CRTC1: variants seen among roughly 807,000 people sequenced by gnomAD.
CRTC1 encodes CREB regulated transcription coactivator 1, also known as CREB-regulated transcription coactivator 1.
In CRTC1, 18 loss-of-function variants were observed where a neutral mutation model predicts 66.1. The ratio of observed to expected loss-of-function variants is 0.27; its 90% CI spans 0.19 to 0.40. CRTC1 has a LOEUF of 0.40. Ranked by LOEUF, CRTC1 falls within the 10% of genes least tolerant of loss-of-function variation. The pLI is 1.00. For missense variants in CRTC1, 669 were observed against 887.9 expected (o/e 0.75, Z 3.13); for synonymous variants, 416 against 398.8 (o/e 1.04, Z -0.51).
intron 12 of CRTC1, 56 bp downstream of exon 12, chr19:18,775,042 G>A: frequency 6.5e-7 from 1 of 1,545,316 alleles, no homozygotes; most frequent in Non-Finnish European, 8.8e-7. Flanking sequence ...TGCTTGCTGG[G>A]ACCCTCGCTG....
intron 1 of CRTC1, among the ~76,000 whole-genome samples, chr19:18,719,365 C>T (rs767433635): frequency 6.6e-6 from 1 of 152,180 alleles, no homozygotes; most frequent in Non-Finnish European, 1.5e-5. Flanking sequence ...CCACCTGGGG[C>T]CTGGCTAGGA....
chr19:18,750,009 G>A, intron 5 of CRTC1, 134 bp downstream of exon 5: 1 of 723,398 alleles, frequency 1.4e-6, no homozygotes. Context: ...GAGGGATCGG[G>A]GGAGGGGATC....
At chr19:18,754,339 A>G (rs977560581) in intron 6 of CRTC1, among the ~76,000 whole-genome samples, 11 of 152,260 alleles carry the variant, frequency 7.2e-5, no homozygotes, top group Admixed American at 5.9e-4. Flanking sequence ...TGGTCAACAA[A>G]GTGAGACCCT....
chr19:18,756,886 G>T (rs1210102966), intron 6 of CRTC1, among the ~76,000 whole-genome samples: 1 of 152,114 alleles, frequency 6.6e-6, no homozygotes, highest in Admixed American at 6.5e-5. Flanking sequence ...CGTGATCGCC[G>T]GTGTGCTTTG....
rs908957080 is a variant in CRTC1 at position 18,781,950 on chromosome 19, G to C, written c.*4568G>C. On this transcript the variant is annotated 3_prime_UTR_variant, in exon 14 of 14. Coordinates refer to ENST00000321949, the MANE Select transcript of CRTC1 (RefSeq NM_015321.3). ...GAACTTCTGATCTCCTGCCCACCAGGAGGGGACTTAGCCATGGACTTGGCC... is the reference window on the plus strand; with the variant it reads ...GAACTTCTGATCTCCTGCCCACCAGCAGGGGACTTAGCCATGGACTTGGCC... The C allele has an allele frequency of 6.1e-5, 14 of 230,520 alleles. No homozygotes were observed. Among genetic ancestry groups the C allele is most frequent in the Admixed American group, 4.5e-4 (8 of 17,700 alleles). 14.3% of individuals were successfully genotyped at this position (230,520 alleles called of 1,614,324 possible).
intron 1 of CRTC1, among the ~76,000 whole-genome samples, chr19:18,715,938 G>A (rs1391964839): frequency 1.3e-5 from 2 of 152,178 alleles, no homozygotes; most frequent in Admixed American, 1.3e-4. Flanking sequence ...AGCTGTCCCC[G>A]GCATTCCTGC....
chr19:18,703,552 T>C (rs2053196457), intron 1 of CRTC1, among the ~76,000 whole-genome samples: 2 of 152,092 alleles, frequency 1.3e-5, no homozygotes, highest in Non-Finnish European at 2.9e-5. Context: ...AACCTCCACC[T>C]CCCAGGTTCA....
At chr19:18,695,743 T>C (rs2052969815) in intron 1 of CRTC1, among the ~76,000 whole-genome samples, 1 of 152,026 alleles carries the variant, frequency 6.6e-6, no homozygotes, top group Admixed American at 6.6e-5. Flanking sequence ...TGGGCGCCTG[T>C]GGTCCCAGCT....
intron 6 of CRTC1, among the ~76,000 whole-genome samples, chr19:18,756,191 G>C (rs540376073): frequency 7.2e-5 from 11 of 152,028 alleles, no homozygotes; most frequent in African/African-American, 2.4e-4. Context: ...AAATTAGCCA[G>C]GTGTGGTGGC....
intron 4 of CRTC1, among the ~76,000 whole-genome samples, chr19:18,748,189 A>T (rs1600928572): frequency 6.6e-6 from 1 of 152,148 alleles, no homozygotes; most frequent in East Asian, 1.9e-4. Context: ...ACTCAAAAAC[A>T]GTTAAAACTA....
chr19:18,706,703 G>A (rs923679519), intron 1 of CRTC1, among the ~76,000 whole-genome samples: 1 of 152,106 alleles, frequency 6.6e-6, no homozygotes, highest in African/African-American at 2.4e-5. Flanking sequence ...TGCGAAAAAG[G>A]ATATTTTGAT....
intron 1 of CRTC1, among the ~76,000 whole-genome samples, chr19:18,692,561 A>G (rs2052868146): frequency 6.7e-6 from 1 of 149,980 alleles, no homozygotes; most frequent in African/African-American, 2.5e-5. Context: ...AGATCATGCC[A>G]TTGCACTCCA....
intron 10 of CRTC1, among the ~76,000 whole-genome samples, chr19:18,769,808 CGG>C (rs1568539843): frequency 1.3e-5 from 2 of 152,146 alleles, no homozygotes; most frequent in African/African-American, 4.8e-5. Flanking sequence ...ACAACAAAGA[CGG>C]CTTCCTGCCC....
chr19:18,739,153 A>C (rs2054060300), intron 1 of CRTC1, among the ~76,000 whole-genome samples: 2 of 152,210 alleles, frequency 1.3e-5, no homozygotes, highest in African/African-American at 2.4e-5. Context: ...CTCCTACCGG[A>C]CGCCTTCTCC....
intron 1 of CRTC1, among the ~76,000 whole-genome samples, chr19:18,734,706 G>A (rs1483877311): frequency 3.3e-5 from 5 of 152,134 alleles, no homozygotes; most frequent in East Asian, 1.9e-4. Flanking sequence ...AAACAGATGC[G>A]GGACGTCAGT....
At chr19:18,764,083 G>A (rs2054674030) in intron 8 of CRTC1, among the ~76,000 whole-genome samples, 1 of 152,198 alleles carries the variant, frequency 6.6e-6, no homozygotes, top group South Asian at 2.1e-4. Context: ...GGGCATCCGA[G>A]GGGAAGTGCA....
chr19:18,700,621 G>C (rs1308551585), intron 1 of CRTC1, among the ~76,000 whole-genome samples: 1 of 152,206 alleles, frequency 6.6e-6, no homozygotes. Flanking sequence ...CCACTCACCT[G>C]GGTGCAGAGG....
At chr19:18,688,090 A>G (rs2052731186) in intron 1 of CRTC1, among the ~76,000 whole-genome samples, 1 of 152,100 alleles carries the variant, frequency 6.6e-6, no homozygotes, top group East Asian at 1.9e-4. Flanking sequence ...TGCAGTGTAC[A>G]GGGCATACGG....
intron 1 of CRTC1, among the ~76,000 whole-genome samples, chr19:18,693,556 A>T (rs1266885636): frequency 7.0e-6 from 1 of 142,442 alleles, no homozygotes; most frequent in Non-Finnish European, 1.5e-5. Flanking sequence ...ATCTCAGCTC[A>T]CTGCAAGCTC....
Sources: allele counts gnomAD v4.1 joint callset (sites outside exome capture counted in the v4.1 genomes callset), GRCh38; gene constraint gnomAD v4.1.1; transcripts MANE v1.5; gene names NCBI Gene and HGNC (gene_info 2026-07-23, HGNC 2026-07-21).